Variants in RIC8B observed in about 807,000 individuals in gnomAD.
The protein encoded by RIC8B is RIC8 guanine nucleotide exchange factor B, also known as chaperone Ric-8B.
In RIC8B, 16 loss-of-function variants were observed where a neutral mutation model predicts 57.5. That is an observed-to-expected ratio of 0.28 (90% CI 0.19 to 0.42). The LOEUF (loss-of-function observed/expected upper bound fraction) is 0.42. Among genes scored for constraint, RIC8B ranks in the 10% least tolerant of loss-of-function variants. The probability of loss-of-function intolerance (pLI) is 1.00; values close to 1 mark genes in which losing one functional copy is unlikely to be tolerated. For missense variants in RIC8B, 481 were observed against 677.0 expected (o/e 0.71, Z 3.21); for synonymous variants, 216 against 250.8 (o/e 0.86, Z 1.31).
intron 2 of RIC8B, among the ~76,000 whole-genome samples, chr12:106,801,742 A>G (rs2044742095): frequency 6.6e-6 from 1 of 152,216 alleles, no homozygotes; most frequent in Admixed American, 6.5e-5. Context: ...TTTATTAAAA[A>G]CATATTTTAA....
chr12:106,808,720 G>T (rs2045182914), intron 2 of RIC8B, among the ~76,000 whole-genome samples: 2 of 152,124 alleles, frequency 1.3e-5, no homozygotes, highest in Non-Finnish European at 2.9e-5. Context: ...CTTCTAAGTA[G>T]CACTTGCCTC....
At chr12:106,877,835 C>A (rs1395843060) in intron 9 of RIC8B, among the ~76,000 whole-genome samples, 2 of 152,068 alleles carry the variant, frequency 1.3e-5, no homozygotes, top group African/African-American at 4.8e-5. Flanking sequence ...TTTAAGCTCA[C>A]CAGCCATCAT....
chr12:106,819,714 C>T (rs1048166079), intron 3 of RIC8B, among the ~76,000 whole-genome samples: 1 of 148,258 alleles, frequency 6.7e-6, no homozygotes, highest in African/African-American at 2.5e-5. Context: ...ACCGCATTCC[C>T]GCCTGGGTAA....
intron 4 of RIC8B, among the ~76,000 whole-genome samples, chr12:106,838,710 CAGCAA>C (rs1352098408): frequency 6.6e-6 from 1 of 151,774 alleles, no homozygotes; most frequent in African/African-American, 2.4e-5. Flanking sequence ...AACTTCTGCA[CAGCAA>C]AGGAAACAGT....
At chr12:106,869,055 C>G (rs1226750219) in intron 8 of RIC8B, among the ~76,000 whole-genome samples, 1 of 152,068 alleles carries the variant, frequency 6.6e-6, no homozygotes, top group Non-Finnish European at 1.5e-5. Flanking sequence ...ACGCCCCTAT[C>G]TACTTGGCTA....
chr12:106,844,636 A>G (rs1949105279), intron 6 of RIC8B, among the ~76,000 whole-genome samples: 1 of 152,342 alleles, frequency 6.6e-6, no homozygotes, highest in African/African-American at 2.4e-5. Flanking sequence ...ATGCTTAAAG[A>G]TATCCTGGCT....
At chr12:106,851,349 C>CA (rs1949468945) in intron 6 of RIC8B, 101 bp from the exon 7 acceptor site, 2 of 250,106 alleles carry the variant, frequency 8.0e-6, no homozygotes, top group African/African-American at 6.8e-5. Context: ...TCCTACAATA[C>CA]AAACCCCAGT....
At chr12:106,812,632 A>G (rs992491196) in intron 2 of RIC8B, among the ~76,000 whole-genome samples, 1 of 152,144 alleles carries the variant, frequency 6.6e-6, no homozygotes, top group African/African-American at 2.4e-5. Flanking sequence ...GTGTGGAAAC[A>G]AAGGTGATCT....
intron 2 of RIC8B, 97 bp from the exon 3 acceptor site, chr12:106,814,599 A>T: frequency 7.9e-7 from 1 of 1,267,654 alleles, no homozygotes; most frequent in Admixed American, 2.4e-5. Flanking sequence ...TTCTCTCTGG[A>T]TTTTTAACTG....
chr12:106,837,639 G>GTT (rs375634080), intron 4 of RIC8B, among the ~76,000 whole-genome samples: 12,477 of 115,238 alleles, frequency 0.11, 949 homozygotes, highest in Middle Eastern at 0.14. Flanking sequence ...AAAATCTTTT[G>GTT]TTTTTTTTTT....
intron 8 of RIC8B, among the ~76,000 whole-genome samples, chr12:106,864,515 A>G (rs1950060274): frequency 6.6e-6 from 1 of 152,156 alleles, no homozygotes; most frequent in Non-Finnish European, 1.5e-5. Flanking sequence ...TAGATGAGAA[A>G]ACTAAAGGCA....
chr12:106,832,280 T>G (rs561282895), intron 4 of RIC8B, among the ~76,000 whole-genome samples: 2 of 152,318 alleles, frequency 1.3e-5, no homozygotes, highest in African/African-American at 4.8e-5. Context: ...TTCCACTTGT[T>G]TATTGTTTCT....
At chr12:106,855,297 C>G (rs1324061415) in intron 7 of RIC8B, among the ~76,000 whole-genome samples, 2 of 152,214 alleles carry the variant, frequency 1.3e-5, no homozygotes, top group African/African-American at 2.4e-5. Flanking sequence ...TTGATCATTT[C>G]TCTTCCTGTG....
At chr12:106,863,846 C>T (rs1397603664) in intron 8 of RIC8B, among the ~76,000 whole-genome samples, 1 of 152,068 alleles carries the variant, frequency 6.6e-6, no homozygotes, top group Non-Finnish European at 1.5e-5. Flanking sequence ...AAGGTTATTA[C>T]TCTTAATCAA....
chr12:106,775,003 C>T (rs1221288765), intron 1 of RIC8B, 174 bp downstream of exon 1: 3 of 595,344 alleles, frequency 5.0e-6, no homozygotes, highest in East Asian at 5.7e-5. Context: ...ATCCATGCAT[C>T]CTGCATCCCA....
At chr12:106,836,697 C>CT (rs1197680592) in intron 4 of RIC8B, among the ~76,000 whole-genome samples, 1 of 152,228 alleles carries the variant, frequency 6.6e-6, no homozygotes, top group Non-Finnish European at 1.5e-5. Flanking sequence ...TGATGGCCTA[C>CT]TGACTGTCCT....
intron 3 of RIC8B, among the ~76,000 whole-genome samples, chr12:106,820,542 C>G (rs1354838762): frequency 6.6e-6 from 1 of 152,162 alleles, no homozygotes; most frequent in East Asian, 1.9e-4. Context: ...ATTCTAGGGA[C>G]TGTAAGGGGT....
At chr12:106,821,064 A>G (rs967376479) in intron 3 of RIC8B, among the ~76,000 whole-genome samples, 1 of 152,238 alleles carries the variant, frequency 6.6e-6, no homozygotes, top group Non-Finnish European at 1.5e-5. Context: ...ATTAGTAAAC[A>G]GTTGTATAAG....
intron 9 of RIC8B, among the ~76,000 whole-genome samples, chr12:106,876,727 C>T (rs902682085): frequency 6.6e-6 from 1 of 152,114 alleles, no homozygotes; most frequent in African/African-American, 2.4e-5. Context: ...AAAGTACTCT[C>T]TGAAATGGTT....
Sources: allele counts gnomAD v4.1 joint callset (sites outside exome capture counted in the v4.1 genomes callset), GRCh38; gene constraint gnomAD v4.1.1; transcripts MANE v1.5; gene names NCBI Gene and HGNC (gene_info 2026-07-23, HGNC 2026-07-21).